Variants in SPAG16 observed in about 807,000 individuals in gnomAD.
The protein encoded by SPAG16 is sperm associated antigen 16.
A neutral mutation model predicts 80.4 loss-of-function variants in SPAG16; 86 were observed. That is an observed-to-expected ratio of 1.07 (90% CI 0.90 to 1.28). The LOEUF is 1.28. Among genes scored for constraint, SPAG16 ranks in the 50% most tolerant of loss-of-function variants. The pLI is 0.00. For missense variants in SPAG16, 870 were observed against 765.3 expected, an observed-to-expected ratio of 1.14 and a Z score of -1.61; for synonymous variants, 294 against 265.9, an observed-to-expected ratio of 1.11 and a Z score of -1.03.
intron 12 of SPAG16, among the ~76,000 whole-genome samples, chr2:213,996,014 T>A (rs1033967860): frequency 2.0e-5 from 3 of 152,232 alleles, no homozygotes; most frequent in African/African-American, 7.2e-5. Flanking sequence ...CAGAGATAAC[T>A]AGCATGAGCT....
intron 13 of SPAG16, among the ~76,000 whole-genome samples, chr2:214,049,931 CAG>C (rs1211246291): frequency 2.0e-5 from 3 of 152,130 alleles, no homozygotes; most frequent in Admixed American, 6.5e-5. Flanking sequence ...TGTTCTGAAA[CAG>C]AGTTTCTGGA....
intron 15 of SPAG16, among the ~76,000 whole-genome samples, chr2:214,279,601 G>T (rs1461329184): frequency 2.6e-5 from 4 of 152,120 alleles, no homozygotes; most frequent in Non-Finnish European, 5.9e-5. Flanking sequence ...AGAGGAGAAA[G>T]ATACAGAAGG....
At chr2:214,051,788 T>C (rs1191197989) in intron 13 of SPAG16, among the ~76,000 whole-genome samples, 1 of 152,198 alleles carries the variant, frequency 6.6e-6, no homozygotes, top group Non-Finnish European at 1.5e-5. Context: ...TTTGCAATGA[T>C]CAGCCTTAAT....
At position 213,617,033 on chromosome 2, in the gene SPAG16, G is replaced by A. The variant is rs141199754; in HGVS notation, c.1070+126943G>A. Among the ~76,000 whole-genome samples the A allele has an allele frequency of 5.3e-5, 8 of 152,252 alleles. No individual in the cohort carries two copies. The East Asian group carries it at 7.7e-4, about 15-fold the overall frequency. On this transcript the variant is annotated intron_variant, in intron 10 of 15. Transcript: ENST00000331683. ...CATGCACAGGTCATGTGTTGGTCCC[G>A]TGTGTAATGGGTAGGTGGGCCCCTG...
At chr2:213,566,659 G>C (rs777690962) in intron 10 of SPAG16, among the ~76,000 whole-genome samples, 4 of 152,118 alleles carry the variant, frequency 2.6e-5, no homozygotes, top group Non-Finnish European at 5.9e-5. Flanking sequence ...AAATCAATTA[G>C]AATTTTTAAT....
At chr2:213,791,469 CATA>C (rs1214568562) in intron 10 of SPAG16, among the ~76,000 whole-genome samples, 5 of 151,876 alleles carry the variant, frequency 3.3e-5, no homozygotes. Flanking sequence ...ACTAGATAAT[CATA>C]ATATTTACGG....
At chr2:213,999,154 A>G (rs1379968360) in intron 12 of SPAG16, among the ~76,000 whole-genome samples, 1 of 152,134 alleles carries the variant, frequency 6.6e-6, no homozygotes, top group East Asian at 1.9e-4. Flanking sequence ...TCTCCAGGGC[A>G]TGTCAGAGGT....
intron 10 of SPAG16, among the ~76,000 whole-genome samples, chr2:213,752,446 A>G (rs577191685): frequency 3.5e-4 from 54 of 152,182 alleles, no homozygotes; most frequent in African/African-American, 1.2e-3. Context: ...TTTCTTCTGT[A>G]GTTATAATAA....
chr2:214,111,839 A>T (rs140056649), intron 14 of SPAG16, among the ~76,000 whole-genome samples: 1,578 of 152,228 alleles, frequency 0.01, 80 homozygotes, highest in East Asian at 0.097. Context: ...GAGGTCCTTC[A>T]TATCCCTTGT....
At chr2:213,700,932 A>T (rs1489362852) in intron 10 of SPAG16, among the ~76,000 whole-genome samples, 2 of 152,034 alleles carry the variant, frequency 1.3e-5, no homozygotes, top group South Asian at 2.1e-4. Flanking sequence ...AGATAACTTG[A>T]GGTTCAGGAG....
chr2:213,948,302 C>T (rs115598214), intron 12 of SPAG16, among the ~76,000 whole-genome samples: 1,979 of 152,188 alleles, frequency 0.013, 40 homozygotes, highest in African/African-American at 0.045. Flanking sequence ...CACGCAAATG[C>T]ATTTCTGCAT....
chr2:213,830,181 A>G (rs1011384047), intron 10 of SPAG16, among the ~76,000 whole-genome samples: 2 of 152,168 alleles, frequency 1.3e-5, no homozygotes, highest in African/African-American at 4.8e-5. Context: ...CTGAAGTTCC[A>G]ACCAGTGGGA....
intron 10 of SPAG16, among the ~76,000 whole-genome samples, chr2:213,684,180 C>T (rs771240574): frequency 1.1e-4 from 16 of 152,274 alleles, no homozygotes; most frequent in African/African-American, 2.4e-4. Context: ...TTAATTAACC[C>T]GAATTTGCTT....
Position 214,208,533 on chromosome 2 carries a change from GA to G in SPAG16, c.1720+59271del, listed in dbSNP as rs1438563415. Among the ~76,000 whole-genome samples, 41 of 152,236 alleles carry G rather than the reference GA, an allele frequency of 2.7e-4. 1 individual carries two copies. Among genetic ancestry groups the G allele is most frequent in the Admixed American group, 2.6e-3 (39 of 15,290 alleles). On this transcript the variant is annotated intron_variant, in intron 15 of 15. Transcript: ENST00000331683. The stretch of plus-strand genomic sequence containing the variant: ...GACTTTATTTTGTGTAATGAGCCCA[GA>G]AAACATATCAGTCATAGTATAATAG...
chr2:213,307,991 C>G (rs2063023892), intron 3 of SPAG16, among the ~76,000 whole-genome samples: 1 of 152,132 alleles, frequency 6.6e-6, no homozygotes, highest in African/African-American at 2.4e-5. Flanking sequence ...TAACCATTAA[C>G]AGCTTGGGAA....
intron 9 of SPAG16, among the ~76,000 whole-genome samples, chr2:213,453,862 T>C (rs1459779558): frequency 6.6e-6 from 1 of 152,218 alleles, no homozygotes; most frequent in Non-Finnish European, 1.5e-5. Context: ...TTTATGTTGT[T>C]GGCTGTTGTG....
chr2:213,735,342 G>A (rs180950256), intron 10 of SPAG16, among the ~76,000 whole-genome samples: 4 of 152,148 alleles, frequency 2.6e-5, no homozygotes, highest in Middle Eastern at 3.4e-3. Context: ...AATAGCACCC[G>A]AATTGGTGAA....
chr2:214,180,366 A>G (rs1247538965), intron 15 of SPAG16, among the ~76,000 whole-genome samples: 2 of 151,690 alleles, frequency 1.3e-5, no homozygotes, highest in Non-Finnish European at 3.0e-5. Flanking sequence ...GTGATCTATG[A>G]GTTAACAATT....
intron 12 of SPAG16, among the ~76,000 whole-genome samples, chr2:214,008,942 A>G (rs538200245): frequency 4.9e-4 from 75 of 152,202 alleles, no homozygotes; most frequent in African/African-American, 1.8e-3. Context: ...TAGTTTATGA[A>G]CCTTACCCGT....
Sources: allele counts gnomAD v4.1 joint callset (sites outside exome capture counted in the v4.1 genomes callset), GRCh38; gene constraint gnomAD v4.1.1; transcripts MANE v1.5; gene names NCBI Gene and HGNC (gene_info 2026-07-23, HGNC 2026-07-21).